The following ADAMTSL1 variants were observed in gnomAD, a reference collection of about 807,000 sequenced individuals.
The protein encoded by ADAMTSL1 is ADAMTS-like protein 1.
In ADAMTSL1, 126 loss-of-function variants were observed where a neutral mutation model predicts 201.8. That is an observed-to-expected ratio of 0.62 (90% CI 0.54 to 0.72). The LOEUF is 0.72. Among genes scored for constraint, ADAMTSL1 ranks in the 30% least tolerant of loss-of-function variants. ADAMTSL1 has a pLI of 0.00. For synonymous variants in ADAMTSL1, 1,121 were observed against 903.4 expected (o/e 1.24, Z -4.32); for missense variants, 2,679 against 2,277.8 (o/e 1.18, Z -3.59).
At chr9:17,996,324 T>C (rs1006675660) in intron 1 of ADAMTSL1, among the ~76,000 whole-genome samples, 1 of 152,082 alleles carries the variant, frequency 6.6e-6, no homozygotes, top group Non-Finnish European at 1.5e-5. Flanking sequence ...TGTGTGCTTT[T>C]ACTTCCTTGG....
At chr9:18,262,150 TACCAGA>T (rs202240518) in intron 2 of ADAMTSL1, among the ~76,000 whole-genome samples, 2,253 of 152,322 alleles carry the variant, frequency 0.015, 29 homozygotes, top group Non-Finnish European at 0.023. Context: ...AGATAAATCT[TACCAGA>T]GTGAGGGTCA....
chr9:18,618,106 T>C (rs1825815223), intron 4 of ADAMTSL1, among the ~76,000 whole-genome samples: 1 of 152,178 alleles, frequency 6.6e-6, no homozygotes, highest in African/African-American at 2.4e-5. Context: ...ACTTGGGAAA[T>C]AGTCTCTAAA....
chr9:18,092,727 T>A (rs1269844311), intron 1 of ADAMTSL1, among the ~76,000 whole-genome samples: 1 of 152,202 alleles, frequency 6.6e-6, no homozygotes, highest in African/African-American at 2.4e-5. Flanking sequence ...GCCACCAACA[T>A]AATAGAAAGT....
At chr9:18,457,106 A>G (rs1244757575) in intron 2 of ADAMTSL1, among the ~76,000 whole-genome samples, 1 of 152,216 alleles carries the variant, frequency 6.6e-6, no homozygotes, top group Non-Finnish European at 1.5e-5. Flanking sequence ...TTTAAACTCC[A>G]CACACAGTGA....
intron 1 of ADAMTSL1, among the ~76,000 whole-genome samples, chr9:17,919,588 C>A (rs918597918): frequency 1.3e-5 from 2 of 152,010 alleles, no homozygotes; most frequent in Non-Finnish European, 2.9e-5. Flanking sequence ...ACTTTTGTGA[C>A]TGTCTGATTT....
intron 1 of ADAMTSL1, among the ~76,000 whole-genome samples, chr9:18,020,428 G>A (rs962171989): frequency 6.6e-6 from 1 of 152,034 alleles, no homozygotes; most frequent in Non-Finnish European, 1.5e-5. Flanking sequence ...AGCCAGCTAC[G>A]GTGGGGGAAG....
intron 2 of ADAMTSL1, among the ~76,000 whole-genome samples, chr9:18,238,349 A>T (rs919788762): frequency 6.6e-6 from 1 of 152,024 alleles, no homozygotes; most frequent in Non-Finnish European, 1.5e-5. Flanking sequence ...CTCATCTGTA[A>T]CTCAGTATTT....
Position 18,622,613 on chromosome 9 carries a change from G to A in ADAMTSL1, c.601+244G>A, listed in dbSNP as rs990781350. 1.5e-5 allele frequency: 9 copies of A among 590,982 alleles called. No individual in the cohort carries two copies. In the Admixed American group the frequency reaches 1.8e-4, roughly 12 times the overall value. 36.6% of individuals were successfully genotyped at this position (590,982 alleles called of 1,614,324 possible). On this transcript the variant is annotated intron_variant, in intron 5 of 28. Transcript: ENST00000380548. ...ACATCAGGAGTGAACCAGACATGGG[G>A]CTACAAATACTTTCTGTACAAACAT...
intron 1 of ADAMTSL1, among the ~76,000 whole-genome samples, chr9:18,498,227 G>GGAGT (rs1181408331): frequency 5.3e-5 from 8 of 151,836 alleles, no homozygotes; most frequent in Non-Finnish European, 2.9e-5. Flanking sequence ...GTGGGGGCAG[G>GGAGT]GAGTGATAAA....
chr9:18,391,773 G>T (rs1417602646), intron 2 of ADAMTSL1, among the ~76,000 whole-genome samples: 1 of 146,568 alleles, frequency 6.8e-6, no homozygotes. Context: ...ATGATTTTTT[G>T]TTGTTGTTGT....
intron 2 of ADAMTSL1, among the ~76,000 whole-genome samples, chr9:18,414,164 TAATC>T (rs943470399): frequency 1.3e-5 from 2 of 152,030 alleles, no homozygotes; most frequent in Non-Finnish European, 1.5e-5. Flanking sequence ...TTTCATCACT[TAATC>T]AATTTTAATT....
At chr9:18,645,300 A>T (rs1219158952) in intron 7 of ADAMTSL1, among the ~76,000 whole-genome samples, 2 of 152,210 alleles carry the variant, frequency 1.3e-5, no homozygotes, top group Non-Finnish European at 2.9e-5. Context: ...CCTTTGTCAG[A>T]TGAGTAGATT....
intron 1 of ADAMTSL1, among the ~76,000 whole-genome samples, chr9:17,922,801 C>T (rs181831240): frequency 9.3e-4 from 141 of 152,230 alleles, no homozygotes; most frequent in African/African-American, 2.9e-3. Context: ...TATGAACCAC[C>T]AGTTTAAAGT....
intron 4 of ADAMTSL1, among the ~76,000 whole-genome samples, chr9:18,577,138 A>G (rs760846762): frequency 1.1e-4 from 17 of 152,184 alleles, no homozygotes; most frequent in East Asian, 1.9e-4. Context: ...TTATGATTCT[A>G]TCATGGCCAG....
chr9:18,721,207 T>A (rs1449849680), intron 14 of ADAMTSL1, among the ~76,000 whole-genome samples: 1 of 152,220 alleles, frequency 6.6e-6, no homozygotes, highest in African/African-American at 2.4e-5. Context: ...CCTTGTTCAT[T>A]GAAGTATCAT....
chr9:18,604,416 C>A (rs1408121081), intron 4 of ADAMTSL1, among the ~76,000 whole-genome samples: 1 of 152,132 alleles, frequency 6.6e-6, no homozygotes, highest in East Asian at 1.9e-4. Context: ...TCTATGCTCC[C>A]CATTTTCCCC....
chr9:18,208,978 A>G (rs1336950418), intron 2 of ADAMTSL1, among the ~76,000 whole-genome samples: 1 of 149,708 alleles, frequency 6.7e-6, no homozygotes, highest in African/African-American at 2.4e-5. Context: ...ATGACTTCAC[A>G]GGGGTTTTAT....
chr9:18,301,025 A>G (rs551730540), intron 2 of ADAMTSL1, among the ~76,000 whole-genome samples: 242 of 152,318 alleles, frequency 1.6e-3, no homozygotes, highest in African/African-American at 5.3e-3. Context: ...AGAAAAATGT[A>G]ATTGAGTCAC....
At chr9:18,418,707 T>C (rs560158750) in intron 2 of ADAMTSL1, among the ~76,000 whole-genome samples, 20 of 152,250 alleles carry the variant, frequency 1.3e-4, no homozygotes, top group Non-Finnish European at 2.6e-4. Flanking sequence ...CCTAAGTAAA[T>C]GGAAAGACAT....
Sources: allele counts gnomAD v4.1 joint callset (sites outside exome capture counted in the v4.1 genomes callset), GRCh38; gene constraint gnomAD v4.1.1; transcripts MANE v1.5; gene names NCBI Gene and HGNC (gene_info 2026-07-23, HGNC 2026-07-21).